Variants in GLIS3 observed in about 807,000 individuals in gnomAD.
GLIS3 encodes the protein GLIS family zinc finger 3, also known as zinc finger protein GLIS3.
GLIS3 carries 53 observed loss-of-function variants against 78.6 expected under a neutral mutation model. The observed-to-expected ratio is 0.67, with a 90% CI of 0.54 to 0.85. GLIS3 has a LOEUF of 0.85. Among genes scored for constraint, GLIS3 ranks in the 40% least tolerant of loss-of-function variants. The pLI, the probability that GLIS3 is intolerant of heterozygous loss-of-function variation, is 0.00. For synonymous variants in GLIS3, 684 were observed against 509.9 expected (o/e 1.34, Z -4.60); for missense variants, 1,703 against 1,231.1 (o/e 1.38, Z -5.74).
At chr9:4,439,415 C>T in the GLIS3 span, among the ~76,000 whole-genome samples, 2 of 152,174 alleles carry the variant, frequency 1.3e-5, no homozygotes, top group Non-Finnish European at 2.9e-5. Context: ...CATTTCTCTT[C>T]TTCTCCTCCT....
At chr9:4,291,012 T>C (rs1001493913) in intron 1 of GLIS3, among the ~76,000 whole-genome samples, 6 of 152,104 alleles carry the variant, frequency 3.9e-5, no homozygotes, top group Non-Finnish European at 7.4e-5. Context: ...ATTCATAGAA[T>C]TTGCAACCGA....
At chr9:4,015,272 C>T (rs547557702) in intron 4 of GLIS3, among the ~76,000 whole-genome samples, 3 of 152,102 alleles carry the variant, frequency 2.0e-5, no homozygotes, top group Non-Finnish European at 2.9e-5. Context: ...TAGAGAATTG[C>T]CCAGGTAAAG....
At chr9:4,367,883 G>A in the GLIS3 span, among the ~76,000 whole-genome samples, 1 of 152,062 alleles carries the variant, frequency 6.6e-6, no homozygotes, top group Non-Finnish European at 1.5e-5. Flanking sequence ...ATACAACGAG[G>A]GAAAATGTTA....
At chr9:4,172,527 T>C (rs756471677) in intron 2 of GLIS3, among the ~76,000 whole-genome samples, 2 of 152,210 alleles carry the variant, frequency 1.3e-5, no homozygotes, top group Non-Finnish European at 2.9e-5. Context: ...TTTGGCACTT[T>C]CAGAAATACT....
chr9:4,026,681 T>C (rs560326890), intron 4 of GLIS3, among the ~76,000 whole-genome samples: 2 of 152,346 alleles, frequency 1.3e-5, no homozygotes, highest in South Asian at 4.1e-4. Context: ...GTAGATATTT[T>C]GACATCTCTT....
chr9:4,257,600 G>A (rs1167701713), intron 2 of GLIS3, among the ~76,000 whole-genome samples: 5 of 141,992 alleles, frequency 3.5e-5, no homozygotes, highest in Non-Finnish European at 8.0e-5. Flanking sequence ...TTGAGACGGA[G>A]TCTCGCTCTG....
the GLIS3 span, among the ~76,000 whole-genome samples, chr9:4,411,634 A>G: frequency 5.5e-4 from 83 of 152,266 alleles, no homozygotes; most frequent in East Asian, 0.015. Flanking sequence ...TAGAAAATCC[A>G]TATTTTTGAT....
chr9:4,074,485 C>T lies in GLIS3; in HGVS notation c.1710+43283G>A, dbSNP rs185499028. ...ATTCAGACAAATTTCCATCCCGGTT[C>T]TCCATCTCTTCTGTGATCAATGTCC... is the stretch of plus-strand genomic sequence containing the variant. On this transcript the variant is annotated intron_variant, in intron 4 of 10. Transcript: ENST00000381971. 2.6e-3 allele frequency among the ~76,000 whole-genome samples: 393 copies of T among 152,320 alleles called. 1 individual carries two copies. Among genetic ancestry groups the T allele is most frequent in the African/African-American group, 9.0e-3 (373 of 41,566 alleles).
chr9:3,887,219 G>A (rs1034595657), intron 7 of GLIS3, among the ~76,000 whole-genome samples: 2 of 152,108 alleles, frequency 1.3e-5, no homozygotes, highest in African/African-American at 4.8e-5. Flanking sequence ...TGGATCGGGT[G>A]GCTGTCAGAC....
the GLIS3 span, among the ~76,000 whole-genome samples, chr9:4,469,019 A>G: frequency 1.3e-5 from 2 of 152,176 alleles, no homozygotes; most frequent in African/African-American, 4.8e-5. Flanking sequence ...TAAACCAACA[A>G]AGATCAAAAG....
the GLIS3 span, among the ~76,000 whole-genome samples, chr9:4,433,091 T>C: frequency 6.6e-6 from 1 of 152,236 alleles, no homozygotes. Flanking sequence ...GCCCAGAAAA[T>C]ACTTCAGTTA....
intron 9 of GLIS3, among the ~76,000 whole-genome samples, chr9:3,830,554 A>G (rs192410871): frequency 1.1e-4 from 17 of 152,320 alleles, no homozygotes; most frequent in Non-Finnish European, 2.4e-4. Context: ...CTAACGTTTT[A>G]AAGCACTTTA....
chr9:4,041,562 C>T (rs1824813094), intron 4 of GLIS3, among the ~76,000 whole-genome samples: 1 of 152,132 alleles, frequency 6.6e-6, no homozygotes, highest in Non-Finnish European at 1.5e-5. Context: ...TATCAGGTGC[C>T]TACTTAATTG....
the GLIS3 span, among the ~76,000 whole-genome samples, chr9:4,445,901 C>A: frequency 6.6e-6 from 1 of 152,194 alleles, no homozygotes; most frequent in Non-Finnish European, 1.5e-5. Flanking sequence ...TCCAAGAGGA[C>A]AGATAGAATT....
At chr9:4,117,687 G>T in intron 4 of GLIS3, 81 bp downstream of exon 4, 1 of 1,536,690 alleles carries the variant, frequency 6.5e-7, no homozygotes. Flanking sequence ...AAACTCCATG[G>T]GCCGAGTTAG....
chr9:3,995,217 C>G (rs904669380), intron 4 of GLIS3, among the ~76,000 whole-genome samples: 1 of 152,058 alleles, frequency 6.6e-6, no homozygotes, highest in African/African-American at 2.4e-5. Context: ...GATTTTTAAC[C>G]AGAAAACCTG....
chr9:3,828,939 C>T (rs554357409), intron 10 of GLIS3, among the ~76,000 whole-genome samples: 1 of 151,916 alleles, frequency 6.6e-6, no homozygotes. Flanking sequence ...ATTCTCTAGG[C>T]AATTGGAAAC....
intron 4 of GLIS3, among the ~76,000 whole-genome samples, chr9:4,307,982 A>T (rs1817271087): frequency 6.6e-6 from 1 of 152,122 alleles, no homozygotes. Flanking sequence ...ACAGAAAAGT[A>T]ATGCACTTTC....
At chr9:4,427,310 G>C in the GLIS3 span, among the ~76,000 whole-genome samples, 2 of 152,016 alleles carry the variant, frequency 1.3e-5, no homozygotes, top group Admixed American at 1.3e-4. Context: ...ACTTATAATT[G>C]TTTCCATTTC....
Sources: gnomAD v4.1 joint callset for allele counts (sites outside exome capture counted in the v4.1 genomes callset) on GRCh38, gnomAD v4.1.1 for gene constraint, MANE v1.5 for transcripts, NCBI Gene and HGNC (gene_info 2026-07-23, HGNC 2026-07-21) for gene names.